The following RALGPS2 variants were observed in gnomAD, a reference collection of about 807,000 sequenced individuals.
RALGPS2 encodes Ral GEF with PH domain and SH3 binding motif 2.
In RALGPS2, 43 loss-of-function variants were observed where a neutral mutation model predicts 86.8. That is an observed-to-expected ratio of 0.50 (90% confidence interval 0.39 to 0.64). The LOEUF (loss-of-function observed/expected upper bound fraction) is 0.64, where lower values mean the gene tolerates loss of function less well. RALGPS2 is among the 30% of genes least tolerant of loss of function. The pLI, the probability that RALGPS2 is intolerant of heterozygous loss-of-function variation, is 0.00. For missense variants in RALGPS2, 536 were observed against 694.6 expected, an observed-to-expected ratio of 0.77 and a Z score of 2.57; for synonymous variants, 243 against 231.3, an observed-to-expected ratio of 1.05 and a Z score of -0.46.
chr1:178,806,405 G>GT (rs1441627468), intron 4 of RALGPS2, among the ~76,000 whole-genome samples: 1 of 152,028 alleles, frequency 6.6e-6, no homozygotes, highest in African/African-American at 2.4e-5. Flanking sequence ...CATATGTGCT[G>GT]TTTTTTGTTG....
Position 178,889,629 on chromosome 1 carries a change from C to A in RALGPS2, c.1193-13C>A. On this transcript the variant is annotated splice_polypyrimidine_tract_variant and intron_variant, in intron 13 of 19. Transcript: ENST00000367635. ...TTCTGATGTTTAAAAAATAGGATAA[C>A]TTTTCATTTTAGGTAGCAGCGATGG... 6.3e-7 allele frequency: 1 copy of A among 1,582,924 alleles called. No individual in the cohort carries two copies. Among genetic ancestry groups the A allele is most frequent in the East Asian group, 2.3e-5 (1 of 44,324 alleles).
chr1:178,887,350 G>A (rs1442008864), intron 13 of RALGPS2, among the ~76,000 whole-genome samples: 2 of 152,138 alleles, frequency 1.3e-5, no homozygotes, highest in African/African-American at 4.8e-5. Flanking sequence ...CTACTTAGGA[G>A]GCTGAGGCAT....
chr1:178,911,494 G>C (rs190338880), intron 19 of RALGPS2, among the ~76,000 whole-genome samples: 2 of 152,094 alleles, frequency 1.3e-5, no homozygotes, highest in Non-Finnish European at 2.9e-5. Context: ...GAAGAAAGTT[G>C]TTTAAGTTCC....
intron 19 of RALGPS2, among the ~76,000 whole-genome samples, chr1:178,913,765 C>G (rs1233906799): frequency 1.3e-5 from 2 of 152,180 alleles, no homozygotes. Context: ...GCTTGGCACT[C>G]CTGGGCTGTG....
Position 178,821,674 on chromosome 1 carries a change from C to T in RALGPS2, c.450C>T (p.Ala150=), listed in dbSNP as rs150414251. 5.4e-4 allele frequency: 865 copies of T among 1,612,996 alleles called. 1 individual carries two copies. Among genetic ancestry groups the T allele is most frequent in the Non-Finnish European group, 6.7e-4 (786 of 1,179,416 alleles). Residue 150 remains alanine (A), a synonymous_variant, in exon 7 of 20, where the codon GCC becomes GCT. Transcript: ENST00000367635. ...CAGTGGTTTCTGGCCTACAGAGTGC[C>T]CCAATTTTCAGGTTGACTAAAACAT... ...LMAVVSGLQS[A]PIFRLTKTWA... is the part of the protein sequence containing the mutation.
rs4652331 is a variant in RALGPS2, at chr1:178,918,073, A to G, written c.*1714A>G. The G allele has an allele frequency of 1.3e-5, 2 of 151,966 alleles. No individual in the cohort carries two copies. Among genetic ancestry groups the G allele is most frequent in the Non-Finnish European group, 2.9e-5 (2 of 67,950 alleles). The allele number at this position is 151,966 out of a possible 1,614,324, so 9.4% of individuals were successfully genotyped here. A position where few individuals can be genotyped will look rare whatever the true frequency, so the allele number is the denominator to read the frequency against. On this transcript the variant is annotated 3_prime_UTR_variant, in exon 20 of 20. Transcript: ENST00000367635. ...TGAGTGTTAAGTTTTTTAATTTAGTATTCTGTTTGGAAAAGATGTTAAGAG... is the reference window on the plus strand; with the variant it reads ...TGAGTGTTAAGTTTTTTAATTTAGTGTTCTGTTTGGAAAAGATGTTAAGAG...
At chr1:178,747,223 G>A in intron 1 of RALGPS2, 1 of 1,397,392 alleles carries the variant, frequency 7.2e-7, no homozygotes, top group Admixed American at 1.7e-5. Context: ...CAGGTCCATG[G>A]TCAGGGTTCA....
intron 8 of RALGPS2, among the ~76,000 whole-genome samples, chr1:178,837,951 C>T (rs979555063): frequency 5.3e-5 from 8 of 152,168 alleles, no homozygotes; most frequent in Non-Finnish European, 5.9e-5. Flanking sequence ...CATCTGAGAT[C>T]GAATTGCAAG....
chr1:178,893,788 G>C (rs918286488), intron 15 of RALGPS2, 131 bp from the exon 16 acceptor site: 34 of 594,372 alleles, frequency 5.7e-5, no homozygotes, highest in Non-Finnish European at 9.3e-5. Context: ...CTTTAGAATT[G>C]TCAGTGTCTT....
chr1:178,749,979 C>T (rs1179766749), intron 1 of RALGPS2, among the ~76,000 whole-genome samples: 5 of 151,988 alleles, frequency 3.3e-5, no homozygotes, highest in African/African-American at 9.7e-5. Context: ...GGCATGGTGG[C>T]GCACACCTGT....
chr1:178,863,881 T>C (rs1658205885), intron 8 of RALGPS2, among the ~76,000 whole-genome samples: 1 of 152,234 alleles, frequency 6.6e-6, no homozygotes, highest in African/African-American at 2.4e-5. Flanking sequence ...CTTCATGATA[T>C]ATTTCTTTCT....
At chr1:178,790,449 C>G (rs950145186) in intron 4 of RALGPS2, among the ~76,000 whole-genome samples, 1 of 152,212 alleles carries the variant, frequency 6.6e-6, no homozygotes, top group Non-Finnish European at 1.5e-5. Context: ...TTTCTGCATT[C>G]TGCCACCAAG....
chr1:178,855,160 C>T (rs981835462), intron 8 of RALGPS2, among the ~76,000 whole-genome samples: 39 of 152,016 alleles, frequency 2.6e-4, no homozygotes, highest in African/African-American at 9.4e-4. Context: ...TATACTTTGC[C>T]AGATATGTAC....
chr1:178,739,862 G>A (rs1297567229), intron 1 of RALGPS2, among the ~76,000 whole-genome samples: 2 of 152,204 alleles, frequency 1.3e-5, no homozygotes, highest in African/African-American at 4.8e-5. Flanking sequence ...TTGGACAGCT[G>A]AACTGGCTGT....
At chr1:178,803,516 A>G (rs953117831) in intron 4 of RALGPS2, among the ~76,000 whole-genome samples, 4 of 148,794 alleles carry the variant, frequency 2.7e-5, no homozygotes, top group African/African-American at 4.9e-5. Flanking sequence ...GGAAAGAACA[A>G]AAATGTTTCT....
intron 1 of RALGPS2, among the ~76,000 whole-genome samples, chr1:178,775,448 C>T (rs1483172098): frequency 6.6e-6 from 1 of 152,076 alleles, no homozygotes; most frequent in Non-Finnish European, 1.5e-5. Context: ...TTATGAAAAA[C>T]GTCATAGATC....
rs1269386947 is a variant in RALGPS2, at chr1:178,902,092, T to A, written c.1525-14T>A. 1 of 1,590,562 alleles carries A rather than the reference T, an allele frequency of 6.3e-7. No individual in the cohort carries two copies. The highest frequency in any genetic ancestry group is 8.6e-7 in the Non-Finnish European group (1 of 1,159,886). ...AAATTTTCTGTTTCCGCTAATTATC[T>A]TTTTTTCTCTCAGTTCAAATCAACA... On this transcript the variant is annotated splice_polypyrimidine_tract_variant and intron_variant, in intron 17 of 19. Coordinates refer to ENST00000367635, the MANE Select transcript of RALGPS2 (RefSeq NM_152663.5).
chr1:178,821,059 A>G (rs1324506747), intron 6 of RALGPS2, among the ~76,000 whole-genome samples: 1 of 152,214 alleles, frequency 6.6e-6, no homozygotes, highest in Non-Finnish European at 1.5e-5. Context: ...TTATGCATAC[A>G]GACTGTAAAA....
intron 15 of RALGPS2, 163 bp from the exon 16 acceptor site, chr1:178,893,756 A>G: frequency 1.9e-6 from 1 of 514,510 alleles, no homozygotes; most frequent in Non-Finnish European, 3.4e-6. Flanking sequence ...TGTACAGCTT[A>G]TAAATTTCAA....
Sources: allele counts gnomAD v4.1 joint callset (sites outside exome capture counted in the v4.1 genomes callset), GRCh38; gene constraint gnomAD v4.1.1; transcripts MANE v1.5; gene names NCBI Gene and HGNC (gene_info 2026-07-23, HGNC 2026-07-21).